MYO9A: variants seen among roughly 807,000 people sequenced by gnomAD.
The protein encoded by MYO9A is unconventional myosin-IXa.
A neutral mutation model predicts 293.3 loss-of-function variants in MYO9A; 103 were observed. The ratio of observed to expected loss-of-function variants is 0.35; its 90% CI spans 0.30 to 0.41. The LOEUF is 0.41. Ranked by LOEUF, MYO9A falls within the 10% of genes least tolerant of loss-of-function variation. The pLI is 1.00. For missense variants in MYO9A, 2,685 were observed against 3,033.0 expected (o/e 0.89, Z 2.69); for synonymous variants, 1,001 against 1,035.7 (o/e 0.97, Z 0.64).
Position 71,827,637 on chromosome 15 carries a change from G to C in MYO9A, c.7183+247C>G, listed in dbSNP as rs532568987. Reference sequence around the variant, plus strand: ...AAAAAAAGACCTTCCGTGGAAGTCAGGAATCTAAGTAGCAAAGACAATTAT... The same window carrying C: ...AAAAAAAGACCTTCCGTGGAAGTCACGAATCTAAGTAGCAAAGACAATTAT... On this transcript the variant is annotated intron_variant, in intron 41 of 41. Coordinates refer to ENST00000356056, the MANE Select transcript of MYO9A (RefSeq NM_006901.4). Among the ~76,000 whole-genome samples the C allele has an allele frequency of 1.2e-4, 19 of 152,276 alleles. No individual in the cohort carries two copies. In the East Asian group the frequency reaches 3.5e-3, roughly 28 times the overall value.
intron 1 of MYO9A, among the ~76,000 whole-genome samples, chr15:72,087,151 A>G (rs1237039781): frequency 1.3e-5 from 2 of 152,154 alleles, no homozygotes; most frequent in Non-Finnish European, 2.9e-5. Context: ...TCCCCAGGGT[A>G]CCCAAGGCTT....
intron 31 of MYO9A, among the ~76,000 whole-genome samples, chr15:71,877,306 G>T (rs750120983): frequency 3.3e-5 from 5 of 151,920 alleles, no homozygotes; most frequent in Admixed American, 2.0e-4. Context: ...AAAATAAAAA[G>T]GTTATTATTA....
Position 71,826,948 on chromosome 15 carries a change from C to T in MYO9A, c.7279G>A (p.Asp2427Asn). 1 of 1,614,046 alleles carries T rather than the reference C, an allele frequency of 6.2e-7. No individual in the cohort carries two copies. The highest frequency in any genetic ancestry group is 8.5e-7 in the Non-Finnish European group (1 of 1,179,962). The change falls in exon 42 of 42, where the codon GAT (aspartate) becomes AAT (asparagine). Residue 2427 changes from aspartate to asparagine, a missense_variant. Coordinates refer to ENST00000356056, the MANE Select transcript of MYO9A (RefSeq NM_006901.4). Reference sequence around the variant, plus strand: ...GAGGAGACCGAAGAGTCCACGACATCTAAAGAGTCTTGCTGCTTTTTAAGT... The same window carrying T: ...GAGGAGACCGAAGAGTCCACGACATTTAAAGAGTCTTGCTGCTTTTTAAGT... ...KQLKKQQDSLDVVDSSVSSLC... is the reference protein window; with the variant it reads ...KQLKKQQDSLNVVDSSVSSLC...
chr15:71,928,223 G>T (rs1174136097), intron 18 of MYO9A, among the ~76,000 whole-genome samples: 3 of 145,508 alleles, frequency 2.1e-5, no homozygotes, highest in Non-Finnish European at 4.6e-5. Context: ...GACTACAGGC[G>T]CCCGCCACTA....
intron 11 of MYO9A, among the ~76,000 whole-genome samples, chr15:71,984,442 A>T (rs2076357858): frequency 6.6e-6 from 1 of 152,166 alleles, no homozygotes; most frequent in Non-Finnish European, 1.5e-5. Context: ...ATTCTTAAAG[A>T]GCTTTTCAAA....
intron 6 of MYO9A, among the ~76,000 whole-genome samples, chr15:72,018,554 G>GA (rs542535743): frequency 4.6e-4 from 69 of 151,598 alleles, no homozygotes; most frequent in African/African-American, 9.2e-4. Flanking sequence ...TGGCTACTGG[G>GA]AAAAAAAATC....
chr15:71,839,192 G>C (rs2055053291), intron 39 of MYO9A, among the ~76,000 whole-genome samples: 1 of 152,088 alleles, frequency 6.6e-6, no homozygotes, highest in Non-Finnish European at 1.5e-5. Flanking sequence ...AAAAGGTTTA[G>C]CTGATAACTT....
At position 71,827,014 on chromosome 15, in the gene MYO9A, T is replaced by C. The variant is rs1433191297; in HGVS notation, c.7213A>G (p.Thr2405Ala). ...CTGGAAGGTTCAGACTTGCCAGCTG[T>C]CTTCAGGGAGCTAAGGGCTAAGCTT... ...ERSLALSSLK[T>A]AGKSEPSSKL... Residue 2405 changes from threonine (T) to alanine (A), a missense_variant, in exon 42 of 42, where the codon ACA (threonine) becomes GCA (alanine). Transcript: ENST00000356056. 6.2e-7 allele frequency: 1 copy of C among 1,601,752 alleles called. No homozygotes were observed. Among genetic ancestry groups the C allele is most frequent in the Non-Finnish European group, 8.5e-7 (1 of 1,175,456 alleles).
intron 2 of MYO9A, among the ~76,000 whole-genome samples, chr15:72,042,668 G>GA (rs768903437): frequency 2.4e-3 from 290 of 120,136 alleles, no homozygotes; most frequent in Non-Finnish European, 3.1e-3. Flanking sequence ...AATCAAGCAA[G>GA]AAAAAAAAAA....
Position 72,045,934 on chromosome 15 carries a change from T to C in MYO9A, c.630A>G (p.Lys210=). The change falls in exon 2 of 42, where the codon AAA becomes AAG. Residue 210 remains lysine (K), a synonymous_variant. Coordinates refer to ENST00000356056, the MANE Select transcript of MYO9A (RefSeq NM_006901.4). ...CCACAGCATAAATGTGGGGCTCAAG[T>C]TTTCCCAGTTGGTGGTTATCATACA... ...VKMYDNHQLG[K]LEPHIYAVAD... is the part of the protein sequence containing the mutation. 1 of 1,614,148 alleles carries C rather than the reference T, an allele frequency of 6.2e-7. No individual in the cohort carries two copies. Among genetic ancestry groups the C allele is most frequent in the Non-Finnish European group, 8.5e-7 (1 of 1,180,026 alleles).
Position 71,903,926 on chromosome 15 carries a change from A to AT in MYO9A, c.2877+2_2877+3insA. 1 of 1,611,916 alleles carries AT rather than the reference A, an allele frequency of 6.2e-7. No homozygotes were observed. Among genetic ancestry groups the AT allele is most frequent in the Non-Finnish European group, 8.5e-7 (1 of 1,178,406 alleles). On this transcript the variant is annotated splice_region_variant and intron_variant, in intron 21 of 41. Transcript: ENST00000356056. Reference sequence around the variant, plus strand: ...TATGTAAATATCACTATAAAAACAGAACCTGGAAAGAATATTTGGAGCTGT... The same window carrying AT: ...TATGTAAATATCACTATAAAAACAGATACCTGGAAAGAATATTTGGAGCTGT...
chr15:71,899,622 G>A (rs2143318259), intron 24 of MYO9A, 65 bp downstream of exon 24: 1 of 1,345,112 alleles, frequency 7.4e-7, no homozygotes, highest in African/African-American at 1.5e-5. Flanking sequence ...AAGTGTTAAT[G>A]CAGAGGTATA....
intron 39 of MYO9A, chr15:71,847,514 A>G (rs764470815): frequency 2.7e-5 from 12 of 441,320 alleles, no homozygotes; most frequent in African/African-American, 1.8e-4. Context: ...GTTAGAATGT[A>G]CATGTCATTG....
At chr15:71,948,458 T>C in intron 15 of MYO9A, among the ~76,000 whole-genome samples, 1 of 152,148 alleles carries the variant, frequency 6.6e-6, no homozygotes. Context: ...TTTTGTACCA[T>C]GTGAAAATTG....
chr15:72,048,933 G>T (rs1316244287), intron 1 of MYO9A, among the ~76,000 whole-genome samples: 3 of 151,888 alleles, frequency 2.0e-5, no homozygotes, highest in South Asian at 2.1e-4. Context: ...TTTTTCCGCC[G>T]ATTTACATTT....
intron 1 of MYO9A, among the ~76,000 whole-genome samples, chr15:72,077,929 CAA>C (rs2079421452): frequency 3.3e-5 from 5 of 151,648 alleles, no homozygotes. Flanking sequence ...TGAAGATACT[CAA>C]AATCATATTT....
At chr15:71,974,690 C>G (rs1318342191) in intron 12 of MYO9A, among the ~76,000 whole-genome samples, 3 of 152,146 alleles carry the variant, frequency 2.0e-5, no homozygotes, top group Non-Finnish European at 2.9e-5. Context: ...TGTACCTTCA[C>G]TCTATCTAGC....
intron 4 of MYO9A, among the ~76,000 whole-genome samples, chr15:72,021,961 A>G (rs973608739): frequency 7.2e-5 from 11 of 152,198 alleles, no homozygotes; most frequent in Non-Finnish European, 2.9e-5. Context: ...GGCATGGAAC[A>G]ATATACATAG....
At chr15:72,054,221 C>G (rs1402331228) in intron 1 of MYO9A, among the ~76,000 whole-genome samples, 1 of 152,036 alleles carries the variant, frequency 6.6e-6, no homozygotes, top group African/African-American at 2.4e-5. Flanking sequence ...CCCTTCCATA[C>G]TATTATTTTA....
Sources: gnomAD v4.1 joint callset for allele counts (sites outside exome capture counted in the v4.1 genomes callset) on GRCh38, gnomAD v4.1.1 for gene constraint, MANE v1.5 for transcripts, NCBI Gene and HGNC (gene_info 2026-07-23, HGNC 2026-07-21) for gene names.